COL27A1: variants seen among roughly 807,000 people sequenced by gnomAD.
COL27A1 encodes collagen type XXVII alpha 1 chain, also known as collagen alpha-1(XXVII) chain.
In COL27A1, 106 loss-of-function variants were observed where a neutral mutation model predicts 251.3. That is an observed-to-expected ratio of 0.42 (90% CI 0.36 to 0.50). The LOEUF is 0.50. Ranked by LOEUF, COL27A1 falls within the 20% of genes least tolerant of loss-of-function variation. COL27A1 has a pLI of 0.00. For synonymous variants in COL27A1, 1,000 were observed against 986.3 expected (o/e 1.01, Z -0.26); for missense variants, 2,325 against 2,522.8 (o/e 0.92, Z 1.68).
In COL27A1 at chr9:114,265,074, T is replaced by G. The variant is rs760003621; in HGVS notation, c.3303T>G (p.Ala1101=). 8 of 1,609,632 alleles carry G rather than the reference T, an allele frequency of 5.0e-6. No homozygotes were observed. The Admixed American group carries it at 1.3e-4, about 27-fold the overall frequency. The change falls in exon 31 of 61, where the codon GCT becomes GCG. Residue 1101 remains alanine (A), a synonymous_variant. Coordinates refer to ENST00000356083, the MANE Select transcript of COL27A1 (RefSeq NM_032888.4). The stretch of plus-strand genomic sequence containing the variant: ...CCCACATGTGCTTCCAGGGTGTGGC[T>G]GGTGAGCGAGGCCACTTGGGCTCGA... The part of the protein sequence containing the change: ...RPGRPGQQGV[A]GERGHLGSRG...
intron 1 of COL27A1, among the ~76,000 whole-genome samples, chr9:114,158,977 GGAGA>G (rs1315910971): frequency 6.6e-6 from 1 of 152,218 alleles, no homozygotes; most frequent in Non-Finnish European, 1.5e-5. Context: ...TTCAAAGAAG[GGAGA>G]GAGAGGACTA....
intron 2 of COL27A1, among the ~76,000 whole-genome samples, chr9:114,167,300 T>C (rs1848953510): frequency 6.6e-6 from 1 of 152,234 alleles, no homozygotes; most frequent in Admixed American, 6.5e-5. Flanking sequence ...TAAAAATAAA[T>C]GTATTCATCA....
chr9:114,160,407 G>A (rs1408487383), intron 1 of COL27A1, among the ~76,000 whole-genome samples: 2 of 151,938 alleles, frequency 1.3e-5, no homozygotes, highest in Admixed American at 6.6e-5. Context: ...CGCCTGCCTC[G>A]GCCTCCCAAA....
At chr9:114,299,882 C>T (rs1437867098) in intron 49 of COL27A1, among the ~76,000 whole-genome samples, 188 bp from the exon 50 acceptor site, 1 of 152,200 alleles carries the variant, frequency 6.6e-6, no homozygotes, top group Non-Finnish European at 1.5e-5. Flanking sequence ...CACAGGCTCC[C>T]CTCAGAGCCC....
intron 23 of COL27A1, among the ~76,000 whole-genome samples, chr9:114,245,637 G>A (rs556766285): frequency 2.4e-4 from 36 of 152,324 alleles, no homozygotes; most frequent in Admixed American, 1.1e-3. Context: ...AGTAAGCCAA[G>A]GCCCCCTCAG....
At chr9:114,245,049 C>A (rs1397027437) in intron 23 of COL27A1, among the ~76,000 whole-genome samples, 1 of 151,928 alleles carries the variant, frequency 6.6e-6, no homozygotes, top group East Asian at 1.9e-4. Flanking sequence ...GGTGGCAGAG[C>A]TCTAGTGTGT....
chr9:114,246,835 G>A (rs1048469), intron 24 of COL27A1, among the ~76,000 whole-genome samples: 67,774 of 151,486 alleles, frequency 0.45, 15,301 homozygotes, highest in Middle Eastern at 0.48. Flanking sequence ...GGAGTTTGGA[G>A]AGGCTGCCGC....
At chr9:114,171,401 G>T (rs1849312539) in intron 3 of COL27A1, among the ~76,000 whole-genome samples, 1 of 152,126 alleles carries the variant, frequency 6.6e-6, no homozygotes, top group African/African-American at 2.4e-5. Flanking sequence ...GGGGACTGGG[G>T]GCTTCAGACA....
intron 3 of COL27A1, among the ~76,000 whole-genome samples, chr9:114,171,515 G>A (rs963472404): frequency 6.6e-6 from 1 of 151,704 alleles, no homozygotes; most frequent in Middle Eastern, 3.2e-3. Flanking sequence ...CCAGGCTGCT[G>A]TGCAGTGGTG....
intron 37 of COL27A1, 48 bp from the exon 38 acceptor site, chr9:114,282,229 C>T (rs1835956199): frequency 1.3e-6 from 2 of 1,566,960 alleles, no homozygotes; most frequent in African/African-American, 1.4e-5. Flanking sequence ...GCCTCAGTTT[C>T]CTCTCTTCTC....
At chr9:114,300,888 C>A (rs1437056210) in intron 51 of COL27A1, among the ~76,000 whole-genome samples, 184 bp from the exon 52 acceptor site, 1 of 152,210 alleles carries the variant, frequency 6.6e-6, no homozygotes, top group Non-Finnish European at 1.5e-5. Context: ...TTGCCCCCAT[C>A]GCCCCACTCT....
At chr9:114,219,740 G>T in intron 12 of COL27A1, 51 bp from the exon 13 acceptor site, 2 of 1,330,354 alleles carry the variant, frequency 1.5e-6, no homozygotes, top group Non-Finnish European at 1.1e-6. Flanking sequence ...AGCCCACCCT[G>T]AAGGTGACAA....
chr9:114,304,480 G>T, intron 56 of COL27A1, 128 bp from the exon 57 acceptor site: 1 of 778,612 alleles, frequency 1.3e-6, no homozygotes. Context: ...AGGAAGGACC[G>T]AGAGTTCTGC....
chr9:114,253,346 GA>G (rs1833685972), intron 27 of COL27A1, among the ~76,000 whole-genome samples: 1 of 138,012 alleles, frequency 7.2e-6, no homozygotes. Flanking sequence ...GAGAAAGAAA[GA>G]AGGGAGTGGA....
intron 12 of COL27A1, among the ~76,000 whole-genome samples, chr9:114,212,958 G>A (rs1830464186): frequency 6.6e-6 from 1 of 152,200 alleles, no homozygotes; most frequent in African/African-American, 2.4e-5. Flanking sequence ...ACTCAGGCCA[G>A]CCTCCAGGGC....
rs754907166 is a variant in COL27A1 at position 114,290,359 on chromosome 9, G to A, written c.4368+28G>A. The A allele has an allele frequency of 1.3e-6, 2 of 1,538,996 alleles. No individual in the cohort carries two copies. The highest frequency in any genetic ancestry group is 4.8e-5 in the East Asian group (2 of 41,940). On this transcript the variant is annotated intron_variant, in intron 47 of 60. Transcript: ENST00000356083. The surrounding 1 kb of genome is among the most constrained non-coding windows in gnomAD (Gnocchi z 4.6). Reference sequence around the variant, plus strand: ...GAGCGGGAATTGGCATTAACAGATGGTGGCTCCATTTGGGACCAGGTGTAG... The same window carrying A: ...GAGCGGGAATTGGCATTAACAGATGATGGCTCCATTTGGGACCAGGTGTAG...
At chr9:114,183,118 G>T in intron 5 of COL27A1, 43 bp downstream of exon 5, 3 of 1,572,688 alleles carry the variant, frequency 1.9e-6, no homozygotes, top group Non-Finnish European at 2.6e-6. Flanking sequence ...GGGTGCTGGG[G>T]TTGGAGCCAT....
chr9:114,169,136 C>T lies in COL27A1; in HGVS notation c.1581C>T (p.Gly527=), dbSNP rs1415867428. The change falls in exon 3 of 61, where the codon GGC becomes GGT. Residue 527 remains glycine (G), a synonymous_variant. Transcript: ENST00000356083. ...PRTAPAVPTP[G]SAPTGSKKPI... ...CAGCACCTGCCGTCCCCACTCCTGG[C>T]TCAGCTCCCACTGGAAGCAAGAAGC... 6.2e-7 allele frequency: 1 copy of T among 1,614,166 alleles called. No individual in the cohort carries two copies. Among genetic ancestry groups the T allele is most frequent in the South Asian group, 1.1e-5 (1 of 91,080 alleles).
Position 114,264,972 on chromosome 9 carries a change from T to C in COL27A1, c.3294+4T>C, listed in dbSNP as rs2135594387. ...ACCGGGCCGGCCTGGACAGCAGGTATGTCAGGCCAAGGCCAAGCAGGCCAG... is the reference window on the plus strand; with the variant it reads ...ACCGGGCCGGCCTGGACAGCAGGTACGTCAGGCCAAGGCCAAGCAGGCCAG... On this transcript the variant is annotated splice_donor_region_variant and intron_variant, in intron 30 of 60. Coordinates refer to ENST00000356083, the MANE Select transcript of COL27A1 (RefSeq NM_032888.4). 6.2e-7 allele frequency: 1 copy of C among 1,612,808 alleles called. No homozygotes were observed. Among genetic ancestry groups the C allele is most frequent in the Middle Eastern group, 1.7e-4 (1 of 6,052 alleles).
Sources: gnomAD v4.1 joint callset for allele counts (sites outside exome capture counted in the v4.1 genomes callset) on GRCh38, gnomAD v4.1.1 for gene constraint, Gnocchi (gnomAD v3.1) non-coding constraint, MANE v1.5 for transcripts, NCBI Gene and HGNC (gene_info 2026-07-23, HGNC 2026-07-21) for gene names.